ZNF385D: variants seen among roughly 807,000 people sequenced by gnomAD.
The protein encoded by ZNF385D is zinc finger protein 659.
A neutral mutation model predicts 35.8 loss-of-function variants in ZNF385D; 15 were observed. The observed-to-expected ratio is 0.42, with a 90% confidence interval of 0.28 to 0.64. The LOEUF is 0.64. Among genes scored for constraint, ZNF385D ranks in the 30% least tolerant of loss-of-function variants. The pLI is 0.23. For missense variants in ZNF385D, 474 were observed against 494.6 expected, an observed-to-expected ratio of 0.96 and a Z score of 0.39; for synonymous variants, 212 against 186.8, an observed-to-expected ratio of 1.13 and a Z score of -1.10.
At chr3:22,057,733 C>T (rs1049082506) in intron 3 of ZNF385D, among the ~76,000 whole-genome samples, 15 of 152,036 alleles carry the variant, frequency 9.9e-5, no homozygotes, top group African/African-American at 3.4e-4. Context: ...AGGCTGGTCT[C>T]GAACTCCTGA....
intron 3 of ZNF385D, among the ~76,000 whole-genome samples, chr3:21,840,212 T>C (rs1036946282): frequency 3.9e-5 from 6 of 152,012 alleles, no homozygotes; most frequent in Non-Finnish European, 8.8e-5. Context: ...TCAAAAGTAG[T>C]ATGTAAGTAT....
upstream of ZNF385D, among the ~76,000 whole-genome samples, chr3:21,755,458 C>A (rs2070298804): frequency 6.6e-6 from 1 of 152,182 alleles, no homozygotes; most frequent in Non-Finnish European, 1.5e-5. Context: ...TAAAGTATGG[C>A]TATAATTCAC....
At chr3:21,933,002 T>C (rs1002525089) in intron 3 of ZNF385D, among the ~76,000 whole-genome samples, 1 of 152,120 alleles carries the variant, frequency 6.6e-6, no homozygotes, top group African/African-American at 2.4e-5. Flanking sequence ...CTGGCCAAAC[T>C]TTCCCCCAGG....
chr3:22,100,599 T>C (rs970324052), intron 3 of ZNF385D, among the ~76,000 whole-genome samples: 1 of 145,004 alleles, frequency 6.9e-6, no homozygotes, highest in Non-Finnish European at 1.5e-5. Flanking sequence ...AAACCAAACA[T>C]CACATATTCT....
intron 2 of ZNF385D, among the ~76,000 whole-genome samples, chr3:21,641,473 A>T (rs1371482244): frequency 6.6e-6 from 1 of 151,816 alleles, no homozygotes; most frequent in Non-Finnish European, 1.5e-5. Context: ...CAAAGGTTAT[A>T]TTCCTCTATT....
At chr3:22,094,186 T>C (rs1225259386) in intron 3 of ZNF385D, among the ~76,000 whole-genome samples, 1 of 151,534 alleles carries the variant, frequency 6.6e-6, no homozygotes, top group African/African-American at 2.4e-5. Context: ...CCAATTATAT[T>C]ATTCATCTTT....
At chr3:21,829,011 A>G (rs527264859) in intron 3 of ZNF385D, among the ~76,000 whole-genome samples, 1 of 152,274 alleles carries the variant, frequency 6.6e-6, no homozygotes, top group South Asian at 2.1e-4. Context: ...AATCCAGAAT[A>G]ATCTTTCCAT....
chr3:22,227,871 G>A (rs1698654127), intron 2 of ZNF385D, among the ~76,000 whole-genome samples: 1 of 152,150 alleles, frequency 6.6e-6, no homozygotes, highest in Non-Finnish European at 1.5e-5. Flanking sequence ...GCTTCTCTGG[G>A]CATACTGCCT....
chr3:22,170,038 C>A (rs1225576369), intron 2 of ZNF385D, among the ~76,000 whole-genome samples: 1 of 152,150 alleles, frequency 6.6e-6, no homozygotes, highest in East Asian at 1.9e-4. Flanking sequence ...AATAATAATA[C>A]CTCATTTCTA....
chr3:22,362,885 T>C (rs541594526), intron 2 of ZNF385D, among the ~76,000 whole-genome samples: 3 of 152,222 alleles, frequency 2.0e-5, no homozygotes, highest in African/African-American at 4.8e-5. Flanking sequence ...TCACAAATGT[T>C]TGGGGGCCCC....
chr3:21,437,704 A>AAAAAAAAAAAC (rs1257971187), intron 4 of ZNF385D, among the ~76,000 whole-genome samples: 2 of 143,586 alleles, frequency 1.4e-5, no homozygotes, highest in East Asian at 4.1e-4. Context: ...GCTTATACAA[A>AAAAAAAAAAAC]AAAAAAAAAA....
At chr3:22,308,224 G>C (rs182420414) in intron 2 of ZNF385D, among the ~76,000 whole-genome samples, 4 of 152,010 alleles carry the variant, frequency 2.6e-5, no homozygotes, top group African/African-American at 9.7e-5. Context: ...TTTACTCTAA[G>C]TTGCATTTTA....
chr3:21,674,895 AATGGATGGATGGATGGATGG>A (rs150113836), intron 1 of ZNF385D, among the ~76,000 whole-genome samples: 2 of 150,308 alleles, frequency 1.3e-5, no homozygotes, highest in East Asian at 2.0e-4. Flanking sequence ...TTGTTTTAGA[AATGGATGGATGGATGGATGG>A]ATGGATGGAT....
chr3:21,922,272 A>T (rs772130111), intron 3 of ZNF385D, among the ~76,000 whole-genome samples: 12 of 109,322 alleles, frequency 1.1e-4, no homozygotes, highest in South Asian at 7.3e-4. Flanking sequence ...TTTTCACAGA[A>T]TTAGAAAAAA....
At chr3:21,737,789 T>C (rs2069316986) in intron 1 of ZNF385D, among the ~76,000 whole-genome samples, 6 of 152,196 alleles carry the variant, frequency 3.9e-5, no homozygotes, top group Admixed American at 3.9e-4. Flanking sequence ...TCACTGCACA[T>C]GTGGCACATT....
chr3:22,205,219 T>C (rs576084978), intron 2 of ZNF385D, among the ~76,000 whole-genome samples: 1 of 152,028 alleles, frequency 6.6e-6, no homozygotes, highest in Non-Finnish European at 1.5e-5. Flanking sequence ...ATGACAGGTT[T>C]AAAATGCCGA....
intron 2 of ZNF385D, among the ~76,000 whole-genome samples, chr3:22,370,908 G>A (rs1365507228): frequency 1.3e-5 from 2 of 152,014 alleles, no homozygotes; most frequent in Admixed American, 1.3e-4. Context: ...TTTTGCCTCA[G>A]GTCTCTTTCT....
At position 21,621,898 on chromosome 3, in the gene ZNF385D, TGCACGCAC is replaced by T. The variant is rs1302342187; in HGVS notation, c.165+42980_165+42987del. On this transcript the variant is annotated intron_variant, in intron 2 of 7. Transcript: ENST00000281523. ...GTGTGTGTGTGTGTGTGTGTGTGCGTGCACGCACGTGTGTGCTTTCTTTGGAACTTAGT... is the reference window on the plus strand; with the variant it reads ...GTGTGTGTGTGTGTGTGTGTGTGCGTGTGTGTGCTTTCTTTGGAACTTAGT... Among the ~76,000 whole-genome samples, 6 of 148,946 alleles carry T rather than the reference TGCACGCAC, an allele frequency of 4.0e-5. No homozygotes were observed. In the East Asian group the frequency reaches 7.1e-4, roughly 18 times the overall value.
At position 21,564,051 on chromosome 3, in the gene ZNF385D, G is replaced by A. The variant is rs185366298; in HGVS notation, c.276+523C>T. On this transcript the variant is annotated intron_variant, in intron 3 of 7. Coordinates refer to ENST00000281523, the MANE Select transcript of ZNF385D (RefSeq NM_024697.3). ...GTCTTTTGGGGCTTGAGTGGTTCTA[G>A]GACTGTAGGACCCCTGTTAAAATAC... 3.3e-3 allele frequency among the ~76,000 whole-genome samples: 500 copies of A among 152,154 alleles called. 4 individuals carry two copies. The highest frequency in any genetic ancestry group is 4.7e-3 in the Non-Finnish European group (321 of 68,002).
Sources: gnomAD v4.1 joint callset for allele counts (sites outside exome capture counted in the v4.1 genomes callset) on GRCh38, gnomAD v4.1.1 for gene constraint, MANE v1.5 for transcripts, NCBI Gene and HGNC (gene_info 2026-07-23, HGNC 2026-07-21) for gene names.